Variants in ASPDH observed in about 807,000 individuals in gnomAD.
ASPDH encodes aspartate dehydrogenase domain containing.
In ASPDH, 25 loss-of-function variants were observed where a neutral mutation model predicts 30.5. The ratio of observed to expected loss-of-function variants is 0.82; its 90% CI spans 0.60 to 1.14. The LOEUF (loss-of-function observed/expected upper bound fraction) is 1.14. Ranked by LOEUF, ASPDH falls within the 50% of genes most tolerant of loss-of-function variation. The pLI is 0.00. For missense variants in ASPDH, 401 were observed against 381.5 expected, an observed-to-expected ratio of 1.05 and a Z score of -0.43; for synonymous variants, 168 against 156.3, an observed-to-expected ratio of 1.07 and a Z score of -0.56.
rs1195447437 is a variant in ASPDH, at chr19:50,513,664, C to G, written c.52+108G>C. 1 of 907,502 alleles carries G rather than the reference C, an allele frequency of 1.1e-6. No individual in the cohort carries two copies. The highest frequency in any genetic ancestry group is 1.7e-6 in the Non-Finnish European group (1 of 581,776). 56.2% of individuals were successfully genotyped at this position (907,502 alleles called of 1,614,324 possible). ...GGTGCAGTGGGCAGACCCAGAGACACAGCCAGGGGCAGATAGAGAGAGAAA... is the reference window on the plus strand; with the variant it reads ...GGTGCAGTGGGCAGACCCAGAGACAGAGCCAGGGGCAGATAGAGAGAGAAA... On this transcript the variant is annotated intron_variant, in intron 1 of 6. Coordinates refer to ENST00000389208, the MANE Select transcript of ASPDH (RefSeq NM_001114598.2). The surrounding 1 kb of genome is among the most constrained non-coding windows in gnomAD (Gnocchi z 4.9).
chr19:50,514,515 C>T, upstream of ASPDH: 1 of 1,614,136 alleles, frequency 6.2e-7, no homozygotes, highest in South Asian at 1.1e-5. Flanking sequence ...CCCATCGTGC[C>T]ACCAGCTGCC....
chr19:50,512,449 C>CG lies in ASPDH; in HGVS notation c.563dup (p.Arg189AlafsTer28). The CG allele has an allele frequency of 6.2e-7, 1 of 1,608,646 alleles. No individual in the cohort carries two copies. The highest frequency in any genetic ancestry group is 8.5e-7 in the Non-Finnish European group (1 of 1,177,744). On this transcript the variant is annotated frameshift_variant, in exon 5 of 7. Coordinates refer to ENST00000389208, the MANE Select transcript of ASPDH (RefSeq NM_001114598.2). LOFTEE classifies it high-confidence loss of function. The stretch of plus-strand genomic sequence containing the variant: ...CCGCCGCCATGGTGTTGGAATTTCG[C>CG]GGGGCAAAGGGGCAGAGCCCACGGA...
chr19:50,514,120 G>A (rs35017973), upstream of ASPDH, among the ~76,000 whole-genome samples: 18,845 of 152,188 alleles, frequency 0.12, 1,590 homozygotes, highest in East Asian at 0.39. Flanking sequence ...CCCTGCTGAT[G>A]TGGAAAGTTT....
intron 6 of ASPDH, 177 bp from the exon 7 acceptor site, chr19:50,511,950 G>GAGACTCAGGGGACGCGGA: frequency 4.5e-6 from 3 of 665,096 alleles, no homozygotes; most frequent in East Asian, 2.9e-5. Flanking sequence ...TCAGAGGCGG[G>GAGACTCAGGGGACGCGGA]CACAAATGGA....
intron 6 of ASPDH, 57 bp from the exon 7 acceptor site, chr19:50,511,830 C>T (rs1979905207): frequency 1.1e-6 from 1 of 869,676 alleles, no homozygotes; most frequent in Non-Finnish European, 1.5e-6. Context: ...AGACAGACGC[C>T]TGGGGGAGGC....
rs1459829959 is a variant in ASPDH, at chr19:50,513,139, G to C, written c.198-128C>G. 1 of 1,242,642 alleles carries C rather than the reference G, an allele frequency of 8.0e-7. No homozygotes were observed. The highest frequency in any genetic ancestry group is 2.7e-5 in the Admixed American group (1 of 36,992). 77.0% of individuals were successfully genotyped at this position (1,242,642 alleles called of 1,614,324 possible). A position where few individuals can be genotyped will look rare whatever the true frequency, so the allele number is the denominator to read the frequency against. On this transcript the variant is annotated intron_variant, in intron 2 of 6. Coordinates refer to ENST00000389208, the MANE Select transcript of ASPDH (RefSeq NM_001114598.2). The surrounding 1 kb of genome is among the most constrained non-coding windows in gnomAD (Gnocchi z 4.9). Reference sequence around the variant, plus strand: ...CCTGGGAGGCGAAATGAGATGAATGGGTTCGTCCTGTTTCACATTTGCTTG... The same window carrying C: ...CCTGGGAGGCGAAATGAGATGAATGCGTTCGTCCTGTTTCACATTTGCTTG...
rs773594898 is a variant in ASPDH, at chr19:50,512,222, G to A, written c.722C>T (p.Ala241Val). ...GPRGPTGRSF[A>V]VHTRRENPAE... is the part of the protein sequence containing the mutation. ...AGGGTTCTCTCTGCGGGTGTGCACA[G>A]CAAAGCTTCGGCCCGTGGGGCCCCG... Residue 241 changes from alanine to valine, a missense_variant, in exon 6 of 7, where the codon GCT becomes GTT. Transcript: ENST00000389208. 1.2e-6 allele frequency: 2 copies of A among 1,611,542 alleles called. No individual in the cohort carries two copies. Among genetic ancestry groups the A allele is most frequent in the South Asian group, 1.1e-5 (1 of 90,988 alleles).
In ASPDH at chr19:50,512,733, G is replaced by T. The variant is rs1358621493; in HGVS notation, c.360C>A (p.Ala120=). The T allele has an allele frequency of 3.2e-6, 5 of 1,554,326 alleles. No individual in the cohort carries two copies. In the East Asian group the frequency reaches 7.3e-5, roughly 23 times the overall value. Residue 120 remains alanine (A), a synonymous_variant, in exon 4 of 7, where the codon GCC becomes GCA. Transcript: ENST00000389208. The part of the protein sequence containing the change: ...LLEASQHWDH[A]VFVARGALWG... Reference sequence around the variant, plus strand: ...ACAGGGCCCCTCGGGCCACAAACACGGCGTGGTCCCAGTGCTGTGAGGCCT... The same window carrying T: ...ACAGGGCCCCTCGGGCCACAAACACTGCGTGGTCCCAGTGCTGTGAGGCCT...
In ASPDH at chr19:50,512,603, G is replaced by C. The variant is rs979293515; in HGVS notation, c.433-23C>G. 4.0e-6 allele frequency: 6 copies of C among 1,514,342 alleles called. No homozygotes were observed. The South Asian group carries it at 6.6e-5, about 17-fold the overall frequency. 93.8% of individuals were successfully genotyped at this position (1,514,342 alleles called of 1,614,324 possible). A position where few individuals can be genotyped will look rare whatever the true frequency, so the allele number is the denominator to read the frequency against. Reference sequence around the variant, plus strand: ...GCTCTGGAAGCAAGAGCCCGGGTTAGGGGGAGTGGGGTCTTTGCAGGCCTC... The same window carrying C: ...GCTCTGGAAGCAAGAGCCCGGGTTACGGGGAGTGGGGTCTTTGCAGGCCTC... On this transcript the variant is annotated intron_variant, in intron 4 of 6. Coordinates refer to ENST00000389208, the MANE Select transcript of ASPDH (RefSeq NM_001114598.2).
In ASPDH at chr19:50,513,704, G is replaced by A. The variant is rs1980099421; in HGVS notation, c.52+68C>T. On this transcript the variant is annotated intron_variant, in intron 1 of 6. Coordinates refer to ENST00000389208, the MANE Select transcript of ASPDH (RefSeq NM_001114598.2). This position sits in a 1 kb window ranked among gnomAD's most constrained non-coding sequence, Gnocchi z 4.9. ...AGAGAGAGAAAAAAGTGTTTGTGGA[G>A]GGCAGAGAGTCTTGGGAGCTTTAGG... The A allele has an allele frequency of 8.2e-7, 1 of 1,216,070 alleles. No individual in the cohort carries two copies. Among genetic ancestry groups the A allele is most frequent in the Admixed American group, 2.1e-5 (1 of 47,852 alleles). 75.3% of individuals were successfully genotyped at this position (1,216,070 alleles called of 1,614,324 possible).
At chr19:50,513,926 T>C, upstream of ASPDH, 9 of 1,380,292 alleles carry the variant, frequency 6.5e-6, no homozygotes, top group East Asian at 2.5e-5. This position sits in a 1 kb window ranked among gnomAD's most constrained non-coding sequence, Gnocchi z 4.9. Context: ...CCCTTGAGCC[T>C]CTGGGCTCAG....
Position 50,511,604 on chromosome 19 carries a change from G to T in ASPDH, c.*126C>A, listed in dbSNP as rs897538136. ...GGGATCAGAGACGCCAGGCGGTGCG[G>T]GGGGAGGCAGCGGTGATCTTTACTG... On this transcript the variant is annotated 3_prime_UTR_variant, in exon 7 of 7. Transcript: ENST00000389208. 13 of 507,016 alleles carry T rather than the reference G, an allele frequency of 2.6e-5. No individual in the cohort carries two copies. Among genetic ancestry groups the T allele is most frequent in the African/African-American group, 8.0e-5 (4 of 49,848 alleles). 31.4% of individuals were successfully genotyped at this position (507,016 alleles called of 1,614,324 possible). A position where few individuals can be genotyped will look rare whatever the true frequency, so the allele number is the denominator to read the frequency against.
upstream of ASPDH, chr19:50,514,616 A>G (rs1980150755): frequency 6.2e-7 from 1 of 1,605,420 alleles, no homozygotes; most frequent in Non-Finnish European, 8.5e-7. Context: ...GGAGAGGCCA[A>G]GTGCCCCCAA....
chr19:50,515,019 A>G (rs1980175714), upstream of ASPDH: 1 of 985,256 alleles, frequency 1.0e-6, no homozygotes. Context: ...GGCAGGGGCC[A>G]GGCACCTCAC....
chr19:50,514,692 C>T (rs569808423), upstream of ASPDH: 3 of 1,495,918 alleles, frequency 2.0e-6, no homozygotes, highest in East Asian at 2.4e-5. Flanking sequence ...TGCGGCAGCG[C>T]AGGCTCCCTG....
chr19:50,514,817 G>GGGGGGGGGGGGGGGGC, upstream of ASPDH: 1 of 466,746 alleles, frequency 2.1e-6, no homozygotes, highest in Non-Finnish European at 3.3e-6. Context: ...GGGGGGGCGG[G>GGGGGGGGGGGGGGGGC]CACTGGGTGG....
rs1161208677 is a variant in ASPDH at position 50,513,133 on chromosome 19, T to G, written c.198-122A>C. 1.6e-6 allele frequency: 2 copies of G among 1,255,896 alleles called. No individual in the cohort carries two copies. Among genetic ancestry groups the G allele is most frequent in the African/African-American group, 3.0e-5 (2 of 66,626 alleles). The allele number at this position is 1,255,896 out of a possible 1,614,324, so 77.8% of individuals were successfully genotyped here. A position where few individuals can be genotyped will look rare whatever the true frequency, so the allele number is the denominator to read the frequency against. On this transcript the variant is annotated intron_variant, in intron 2 of 6. Coordinates refer to ENST00000389208, the MANE Select transcript of ASPDH (RefSeq NM_001114598.2). The surrounding 1 kb of genome is among the most constrained non-coding windows in gnomAD (Gnocchi z 4.9). ...CCCTGACCTGGGAGGCGAAATGAGA[T>G]GAATGGGTTCGTCCTGTTTCACATT... is the stretch of plus-strand genomic sequence containing the variant.
rs1201945988 is a variant in ASPDH at position 50,512,453 on chromosome 19, G to A, written c.560C>T (p.Ala187Val). 1.2e-6 allele frequency: 2 copies of A among 1,607,096 alleles called. No homozygotes were observed. Among genetic ancestry groups the A allele is most frequent in the South Asian group, 1.1e-5 (1 of 89,936 alleles). The change falls in exon 5 of 7, where the codon GCC becomes GTC. Residue 187 changes from alanine (A) to valine (V), a missense_variant. Ala to Val is a moderately conservative substitution (Grantham distance 64). Coordinates refer to ENST00000389208, the MANE Select transcript of ASPDH (RefSeq NM_001114598.2). ...EGPVRGLCPF[A>V]PRNSNTMAAA... ...CGCCATGGTGTTGGAATTTCGCGGG[G>A]CAAAGGGGCAGAGCCCACGGACAGG...
At position 50,513,465 on chromosome 19, in the gene ASPDH, G is replaced by A. The variant is rs1980087463; in HGVS notation, c.53-49C>T. The A allele has an allele frequency of 3.5e-6, 5 of 1,441,444 alleles. No homozygotes were observed. Among genetic ancestry groups the A allele is most frequent in the East Asian group, 2.6e-5 (1 of 39,112 alleles). The allele number at this position is 1,441,444 out of a possible 1,614,324, so 89.3% of individuals were successfully genotyped here. ...CTAGAGATCCAGAGAGAGGGGGACA[G>A]AGACCCAGAGAGAGAGGAGGTGGGG... On this transcript the variant is annotated intron_variant, in intron 1 of 6. Transcript: ENST00000389208. The surrounding 1 kb of genome is among the most constrained non-coding windows in gnomAD (Gnocchi z 4.9).
Sources: allele counts gnomAD v4.1 joint callset (sites outside exome capture counted in the v4.1 genomes callset), GRCh38; gene constraint gnomAD v4.1.1; non-coding constraint Gnocchi (gnomAD v3.1); transcripts MANE v1.5; gene names NCBI Gene and HGNC (gene_info 2026-07-23, HGNC 2026-07-21).